Variants in DIAPH3 observed in about 807,000 individuals in gnomAD.
DIAPH3 encodes the protein protein diaphanous homolog 3.
Under a neutral mutation model 144.3 loss-of-function variants are expected in DIAPH3, and 117 were observed. That is an observed-to-expected ratio of 0.81 (90% confidence interval 0.70 to 0.95). The LOEUF (loss-of-function observed/expected upper bound fraction) is 0.95, where lower values mean the gene tolerates loss of function less well. DIAPH3 is among the 40% of genes least tolerant of loss of function. The pLI, the probability that DIAPH3 is intolerant of heterozygous loss-of-function variation, is 0.00. For synonymous variants in DIAPH3, 519 were observed against 488.9 expected, an observed-to-expected ratio of 1.06 and a Z score of -0.81; for missense variants, 1,421 against 1,412.7, an observed-to-expected ratio of 1.01 and a Z score of -0.09.
At chr13:59,828,970 C>T (rs1290828458) in intron 24 of DIAPH3, among the ~76,000 whole-genome samples, 2 of 151,812 alleles carry the variant, frequency 1.3e-5, no homozygotes, top group Non-Finnish European at 2.9e-5. Flanking sequence ...AGAGAAGCTA[C>T]AAGATTTTGA....
At chr13:59,789,069 T>C (rs2039190883) in intron 25 of DIAPH3, among the ~76,000 whole-genome samples, 1 of 152,202 alleles carries the variant, frequency 6.6e-6, no homozygotes. Context: ...GTCGACCTTG[T>C]GTGTTATGTA....
chr13:59,844,275 T>C (rs1473242486), intron 22 of DIAPH3, among the ~76,000 whole-genome samples: 1 of 151,894 alleles, frequency 6.6e-6, no homozygotes, highest in Admixed American at 6.6e-5. Context: ...ATCTTAACTA[T>C]ATCCAGATCA....
chr13:59,924,992 T>A lies in DIAPH3; in HGVS notation c.2075-122A>T, dbSNP rs182355186. ...ATGTAACTCTTCTAAATAAAAGTTA[T>A]AAAAACAAATAAAACGATAGATATC... On this transcript the variant is annotated intron_variant, in intron 17 of 27. Transcript: ENST00000400324. The A allele has an allele frequency of 2.4e-5, 34 of 1,434,406 alleles. No individual in the cohort carries two copies. The East Asian group carries it at 8.0e-4, about 34-fold the overall frequency. The allele number at this position is 1,434,406 out of a possible 1,614,324, so 88.9% of individuals were successfully genotyped here.
intron 4 of DIAPH3, among the ~76,000 whole-genome samples, chr13:60,043,876 A>T (rs1196691295): frequency 6.6e-6 from 1 of 152,206 alleles, no homozygotes; most frequent in African/African-American, 2.4e-5. Flanking sequence ...GAAAGAGAAT[A>T]AGTAGCTTCA....
chr13:59,714,448 T>A (rs1386502831), intron 27 of DIAPH3, among the ~76,000 whole-genome samples: 1 of 151,864 alleles, frequency 6.6e-6, no homozygotes, highest in African/African-American at 2.4e-5. Flanking sequence ...GGTGGAAGGA[T>A]TGTATGAGCT....
chr13:59,730,729 G>T (rs1189884566), intron 27 of DIAPH3, among the ~76,000 whole-genome samples: 3 of 152,148 alleles, frequency 2.0e-5, no homozygotes, highest in African/African-American at 7.2e-5. Context: ...TGTTACATTG[G>T]CAAGTTAATT....
intron 4 of DIAPH3, among the ~76,000 whole-genome samples, chr13:60,086,105 T>C (rs1262763200): frequency 2.6e-5 from 4 of 152,142 alleles, no homozygotes; most frequent in Non-Finnish European, 4.4e-5. Context: ...CTTAACTACC[T>C]ATACGATTTT....
intron 21 of DIAPH3, 35 bp downstream of exon 21, chr13:59,879,194 C>T (rs1220481859): frequency 1.9e-6 from 3 of 1,612,850 alleles, no homozygotes; most frequent in South Asian, 2.2e-5. Flanking sequence ...AGCAAGTGTT[C>T]AGGCAAATAT....
At chr13:59,871,473 C>T (rs9563768) in intron 21 of DIAPH3, among the ~76,000 whole-genome samples, 103,305 of 151,922 alleles carry the variant, frequency 0.68, 36,898 homozygotes, top group East Asian at 0.89. Context: ...TTCCCCTCTA[C>T]CCCTATTTGG....
intron 1 of DIAPH3, among the ~76,000 whole-genome samples, chr13:60,139,505 C>A (rs1280849545): frequency 6.6e-6 from 1 of 152,178 alleles, no homozygotes; most frequent in African/African-American, 2.4e-5. Context: ...CCCCTCAATT[C>A]CTCCATCGTG....
At chr13:59,775,289 C>T (rs1314606742) in intron 25 of DIAPH3, among the ~76,000 whole-genome samples, 4 of 152,150 alleles carry the variant, frequency 2.6e-5, no homozygotes, top group Non-Finnish European at 1.5e-5. Context: ...GTCGCCCAGG[C>T]TGGAGTGCAG....
chr13:60,147,586 A>T (rs9592019), intron 1 of DIAPH3, among the ~76,000 whole-genome samples: 46,226 of 152,100 alleles, frequency 0.3, 7,371 homozygotes, highest in Admixed American at 0.4. Context: ...AAGCATGCAC[A>T]GAGGACACTG....
At chr13:60,132,121 C>T (rs980064355) in intron 2 of DIAPH3, among the ~76,000 whole-genome samples, 6 of 152,182 alleles carry the variant, frequency 3.9e-5, no homozygotes, top group African/African-American at 1.4e-4. Context: ...TACCAACATT[C>T]TAATACAATT....
At chr13:59,868,268 T>C (rs2037699753) in intron 21 of DIAPH3, among the ~76,000 whole-genome samples, 1 of 152,194 alleles carries the variant, frequency 6.6e-6, no homozygotes, top group Non-Finnish European at 1.5e-5. Context: ...AATCTAATAA[T>C]AAGAATTTCT....
intron 4 of DIAPH3, among the ~76,000 whole-genome samples, chr13:60,083,769 T>C (rs1427397004): frequency 2.0e-5 from 3 of 152,040 alleles, no homozygotes; most frequent in Admixed American, 6.6e-5. Context: ...CCAAGCACGG[T>C]GGTGCATGCC....
In DIAPH3 at chr13:59,991,603, T is replaced by C. The variant is rs139944528; in HGVS notation, c.1245-329A>G. Among the ~76,000 whole-genome samples, 11 of 152,012 alleles carry C rather than the reference T, an allele frequency of 7.2e-5. No individual in the cohort carries two copies. The East Asian group carries it at 2.1e-3, about 30-fold the overall frequency. On this transcript the variant is annotated intron_variant, in intron 11 of 27. Transcript: ENST00000400324. The stretch of plus-strand genomic sequence containing the variant: ...GTTGCCTGACCAACAGAGCTGGTGG[T>C]CAGGTTAATTATCTACCATGAAGAA...
intron 25 of DIAPH3, among the ~76,000 whole-genome samples, chr13:59,775,251 TG>T (rs1411291486): frequency 6.6e-6 from 1 of 152,162 alleles, no homozygotes; most frequent in African/African-American, 2.4e-5. Flanking sequence ...TTTTGTTTTT[TG>T]TTTTTTTTGA....
intron 27 of DIAPH3, among the ~76,000 whole-genome samples, chr13:59,698,281 T>C (rs1292381975): frequency 1.3e-5 from 2 of 152,176 alleles, no homozygotes; most frequent in Non-Finnish European, 2.9e-5. Flanking sequence ...CTGATTACAA[T>C]TTCACTCTGA....
intron 21 of DIAPH3, among the ~76,000 whole-genome samples, chr13:59,873,022 T>C (rs1203839106): frequency 6.6e-6 from 1 of 152,194 alleles, no homozygotes; most frequent in African/African-American, 2.4e-5. Flanking sequence ...AAAAACGCTA[T>C]TTAGAAAAGC....
Sources: gnomAD v4.1 joint callset for allele counts (sites outside exome capture counted in the v4.1 genomes callset) on GRCh38, gnomAD v4.1.1 for gene constraint, MANE v1.5 for transcripts, NCBI Gene and HGNC (gene_info 2026-07-23, HGNC 2026-07-21) for gene names.